The following STAB1 variants were observed in gnomAD, a reference collection of about 807,000 sequenced individuals.
STAB1 encodes the protein stabilin-1.
In STAB1, 250 loss-of-function variants were observed where a neutral mutation model predicts 332.4. The ratio of observed to expected loss-of-function variants is 0.75; its 90% CI spans 0.68 to 0.84. STAB1 has a LOEUF of 0.84. STAB1 is among the 40% of genes least tolerant of loss of function. The pLI is 0.00. For missense variants in STAB1, 3,249 were observed against 3,489.7 expected (o/e 0.93, Z 1.74); for synonymous variants, 1,475 against 1,390.4 (o/e 1.06, Z -1.35).
At position 52,518,563 on chromosome 3, in the gene STAB1, C is replaced by A; in HGVS notation, c.4837C>A (p.Pro1613Thr). Residue 1613 changes from proline (P) to threonine (T), a missense_variant, in exon 47 of 69, where the codon CCT becomes ACT. Pro to Thr is a conservative substitution (Grantham distance 38). Coordinates refer to ENST00000321725, the MANE Select transcript of STAB1 (RefSeq NM_015136.3). ...ATATAAGGAGCTCAAGGGCGATGGG[C>A]CTTTCACCATCTTCGTGCCGCACGC... ...LEYKELKGDG[P>T]FTIFVPHADL... The A allele has an allele frequency of 6.3e-7, 1 of 1,597,454 alleles. No homozygotes were observed. Among genetic ancestry groups the A allele is most frequent in the Non-Finnish European group, 8.5e-7 (1 of 1,172,070 alleles).
chr3:52,513,696 A>C, intron 30 of STAB1, 21 bp from the exon 31 acceptor site: 2 of 1,610,008 alleles, frequency 1.2e-6, no homozygotes, highest in East Asian at 2.2e-5. Flanking sequence ...CCTGTGGCTA[A>C]GCTCTGCTGC....
Position 52,514,770 on chromosome 3 carries a change from T to G in STAB1, c.3748T>G (p.Ser1250Ala). 1 of 1,612,922 alleles carries G rather than the reference T, an allele frequency of 6.2e-7. No individual in the cohort carries two copies. The highest frequency in any genetic ancestry group is 8.5e-7 in the Non-Finnish European group (1 of 1,179,972). ...EAPGRSLIGL[S>A]GVLTVGSSRC... ...CCCTGGCCGCTCGCTGATTGGTCTGTCGGGGGTCCTGACGGTGGGCTCAAG... is the reference window on the plus strand; with the variant it reads ...CCCTGGCCGCTCGCTGATTGGTCTGGCGGGGGTCCTGACGGTGGGCTCAAG... The change falls in exon 35 of 69, where the codon TCG becomes GCG. Residue 1250 changes from serine (S) to alanine (A), a missense_variant. Ser to Ala is a moderately conservative substitution (Grantham distance 99). Transcript: ENST00000321725.
chr3:52,505,259 C>T (rs758508130), intron 13 of STAB1, 60 bp from the exon 14 acceptor site: 51 of 1,608,436 alleles, frequency 3.2e-5, no homozygotes, highest in African/African-American at 6.7e-5. Flanking sequence ...AGCTTCTCCC[C>T]GCTGGGCTGA....
At position 52,509,407 on chromosome 3, in the gene STAB1, A is replaced by G. The variant is rs1250448045; in HGVS notation, c.2347+86A>G. The G allele has an allele frequency of 6.6e-6, 8 of 1,206,110 alleles. No homozygotes were observed. In the East Asian group the frequency reaches 2.0e-4, roughly 30 times the overall value. The allele number at this position is 1,206,110 out of a possible 1,614,324, so 74.7% of individuals were successfully genotyped here. A position where few individuals can be genotyped will look rare whatever the true frequency, so the allele number is the denominator to read the frequency against. ...CTGGGGGCTCTCAAGAAGGGAAACG[A>G]AGCCCCAGGAGGAGGGACGAAGGCC... is the stretch of plus-strand genomic sequence containing the variant. On this transcript the variant is annotated intron_variant, in intron 22 of 68. Coordinates refer to ENST00000321725, the MANE Select transcript of STAB1 (RefSeq NM_015136.3).
rs1708719756 is a variant in STAB1, at chr3:52,504,726, CT to C, written c.1240-11del. On this transcript the variant is annotated splice_polypyrimidine_tract_variant and intron_variant, in intron 11 of 68. Transcript: ENST00000321725. ...CCCCCCGGCTCACTTTGCTCCCCGC[CT>C]TGCGTCTGCAGGCATCCCTTGCCCA... The C allele has an allele frequency of 1.2e-6, 2 of 1,613,522 alleles. No individual in the cohort carries two copies. Among genetic ancestry groups the C allele is most frequent in the Admixed American group, 1.7e-5 (1 of 60,010 alleles).
At chr3:52,506,588 G>A (rs995359419) in intron 17 of STAB1, 104 bp from the exon 18 acceptor site, 2 of 1,316,056 alleles carry the variant, frequency 1.5e-6, no homozygotes, top group African/African-American at 3.0e-5. Context: ...GCAGCTCACT[G>A]AGCTGCCTGT....
chr3:52,514,657 G>T (rs758914934), intron 34 of STAB1, 44 bp from the exon 35 acceptor site: 1 of 1,612,062 alleles, frequency 6.2e-7, no homozygotes, highest in South Asian at 1.1e-5. Context: ...CCTGCCAGGT[G>T]AGGGTGGTAG....
chr3:52,512,167 T>A (rs1709343255), intron 26 of STAB1, among the ~76,000 whole-genome samples, 174 bp from the exon 27 acceptor site: 1 of 152,258 alleles, frequency 6.6e-6, no homozygotes, highest in Non-Finnish European at 1.5e-5. Context: ...ATGCCCAGTG[T>A]CCTGGAGAGC....
rs750477301 is a variant in STAB1, at chr3:52,517,913, C to T, written c.4671C>T (p.Cys1557=). The T allele has an allele frequency of 1.1e-5, 17 of 1,611,638 alleles. No homozygotes were observed. In the East Asian group the frequency reaches 3.8e-4, roughly 36 times the overall value. Residue 1557 remains cysteine, a synonymous_variant, in exon 45 of 69, where the codon TGC becomes TGT. Coordinates refer to ENST00000321725, the MANE Select transcript of STAB1 (RefSeq NM_015136.3). ...GAGGATGCAGCCCATATGCCACCTGCAAAAGCACAGGGGATGGCCAGAGGA... is the reference window on the plus strand; with the variant it reads ...GAGGATGCAGCCCATATGCCACCTGTAAAAGCACAGGGGATGGCCAGAGGA... The part of the protein sequence containing the change: ...NNGGCSPYAT[C]KSTGDGQRTC...
Position 52,510,244 on chromosome 3 carries a change from C to T in STAB1, c.2628+9C>T. The T allele has an allele frequency of 6.2e-7, 1 of 1,614,034 alleles. No homozygotes were observed. The highest frequency in any genetic ancestry group is 2.2e-5 in the East Asian group (1 of 44,880). ...GAGGCTGCTCAGAGAATGTCAGTCC[C>T]CTTGCTCCTTCCCTGAAGTTCTGAC... On this transcript the variant is annotated intron_variant, in intron 24 of 68. Transcript: ENST00000321725.
intron 8 of STAB1, 38 bp downstream of exon 8, chr3:52,503,578 G>A (rs779151566): frequency 6.2e-7 from 1 of 1,602,694 alleles, no homozygotes; most frequent in South Asian, 1.1e-5. Context: ...TCCCCACAGT[G>A]CACCCAAACA....
At position 52,505,708 on chromosome 3, in the gene STAB1, TCA is replaced by T; in HGVS notation, c.1625_1626del (p.Thr542SerfsTer7). The T allele has an allele frequency of 6.2e-7, 1 of 1,613,838 alleles. No individual in the cohort carries two copies. The highest frequency in any genetic ancestry group is 1.3e-5 in the African/African-American group (1 of 75,056). On this transcript the variant is annotated frameshift_variant, in exon 15 of 69. Transcript: ENST00000321725. LOFTEE classifies it high-confidence loss of function. The stretch of plus-strand genomic sequence containing the variant: ...TCCATCCTGGACGGACCTGGGCCCT[TCA>T]CAGTCTTTGCCCCAAGCAATGAGGC...
At position 52,514,472 on chromosome 3, in the gene STAB1, C is replaced by T. The variant is rs200487121; in HGVS notation, c.3654C>T (p.Ile1218=). Residue 1218 remains isoleucine (I), a synonymous_variant, in exon 34 of 69, where the codon ATC becomes ATT. Transcript: ENST00000321725. ...RNSLLGPAHW[I]VFYNHSGQPE... is the part of the protein sequence containing the mutation. ...CCCTCCTGGGCCCTGCCCACTGGAT[C>T]GTCTTCTACAACCACAGTGGCCAGG... The T allele has an allele frequency of 1.2e-4, 187 of 1,532,080 alleles. 2 individuals are homozygous for T. The South Asian group carries it at 2.3e-3, about 19-fold the overall frequency. The allele number at this position is 1,532,080 out of a possible 1,614,324, so 94.9% of individuals were successfully genotyped here.
At chr3:52,508,211 G>A (rs1037991201) in intron 20 of STAB1, 62 bp from the exon 21 acceptor site, 172 of 1,514,888 alleles carry the variant, frequency 1.1e-4, no homozygotes, top group Middle Eastern at 3.7e-4. Context: ...GGGAGCAGAG[G>A]CAGCCTGGGC....
At chr3:52,522,973 G>A (rs2079127382) in intron 62 of STAB1, 33 bp downstream of exon 62, 2 of 1,603,138 alleles carry the variant, frequency 1.2e-6, no homozygotes, top group East Asian at 4.5e-5. Context: ...TACTTCCCCT[G>A]CTCTGCCCCT....
In STAB1 at chr3:52,517,620, C is replaced by T; in HGVS notation, c.4634C>T (p.Ser1545Phe). 1.2e-6 allele frequency: 2 copies of T among 1,612,780 alleles called. No homozygotes were observed. Among genetic ancestry groups the T allele is most frequent in the Non-Finnish European group, 1.7e-6 (2 of 1,179,874 alleles). Reference sequence around the variant, plus strand: ...ACCTGCGAGCTCCTGGACCCCTGCTCTAAGGTCAGGACCCTAGTCCTGTCC... The same window carrying T: ...ACCTGCGAGCTCCTGGACCCCTGCTTTAAGGTCAGGACCCTAGTCCTGTCC... ...IRTCELLDPC[S>F]KNNGGCSPYA... Residue 1545 changes from serine (S) to phenylalanine (F), a missense_variant, in exon 44 of 69, where the codon TCT (serine) becomes TTT (phenylalanine). Ser to Phe is a radical substitution (Grantham distance 155). Transcript: ENST00000321725.
intron 13 of STAB1, 65 bp downstream of exon 13, chr3:52,505,208 C>T (rs1708760449): frequency 1.2e-6 from 2 of 1,604,410 alleles, no homozygotes; most frequent in Non-Finnish European, 1.7e-6. Context: ...CTGCAGAGAG[C>T]AGTGAGTGGG....
At position 52,512,371 on chromosome 3, in the gene STAB1, C is replaced by T. The variant is rs745991082; in HGVS notation, c.2914C>T (p.Arg972Trp). 1.2e-5 allele frequency: 20 copies of T among 1,611,334 alleles called. No individual in the cohort carries two copies. The highest frequency in any genetic ancestry group is 1.7e-5 in the Admixed American group (1 of 59,218). Residue 972 changes from arginine to tryptophan, a missense_variant, in exon 27 of 69, where the codon CGG (arginine) becomes TGG (tryptophan). Physicochemically the swap from Arg to Trp is moderately radical, Grantham distance 101. Coordinates refer to ENST00000321725, the MANE Select transcript of STAB1 (RefSeq NM_015136.3). ...CTGCCGGGCAGTGGGGGGAGGTCAG[C>T]GGGTCTGCACGTGCCCCCCTGGCTT... ...ATCRAVGGGQ[R>W]VCTCPPGFGG...
At chr3:52,517,688 GC>G in intron 44 of STAB1, 64 bp downstream of exon 44, 5 of 1,588,180 alleles carry the variant, frequency 3.1e-6, no homozygotes, top group Non-Finnish European at 4.3e-6. Context: ...GCAGGAACCA[GC>G]CCTTCTCACC....
Sources: gnomAD v4.1 joint callset for allele counts (sites outside exome capture counted in the v4.1 genomes callset) on GRCh38, gnomAD v4.1.1 for gene constraint, MANE v1.5 for transcripts, NCBI Gene and HGNC (gene_info 2026-07-23, HGNC 2026-07-21) for gene names.